TNFRSF9: variants seen among roughly 807,000 people sequenced by gnomAD.
TNFRSF9 encodes TNF receptor superfamily member 9, also known as tumor necrosis factor receptor superfamily member 9.
A neutral mutation model predicts 28.8 loss-of-function variants in TNFRSF9; 16 were observed. The observed-to-expected ratio is 0.55, with a 90% CI of 0.38 to 0.84. TNFRSF9 has a LOEUF of 0.84. Among genes scored for constraint, TNFRSF9 ranks in the 40% least tolerant of loss-of-function variants. The pLI is 0.00. For synonymous variants in TNFRSF9, 131 were observed against 117.0 expected (o/e 1.12, Z -0.77); for missense variants, 303 against 315.0 (o/e 0.96, Z 0.29).
intron 7 of TNFRSF9, among the ~76,000 whole-genome samples, chr1:7,929,387 G>T (rs558511280): frequency 6.6e-6 from 1 of 151,664 alleles, no homozygotes; most frequent in African/African-American, 2.4e-5. Context: ...GGCTGGTCTC[G>T]AACTCCTGAC....
chr1:7,933,185 T>G lies in TNFRSF9; in HGVS notation c.656A>C (p.Lys219Thr). The change falls in exon 7 of 8, where the codon AAA becomes ACA. Residue 219 changes from lysine (K) to threonine (T), a missense_variant. By Grantham distance (78) the Lys-to-Thr change is moderately conservative. Transcript: ENST00000377507. Reference protein sequence around the residue: ...RFSVVKRGRKKLLYIFKQPFM... With the variant: ...RFSVVKRGRKTLLYIFKQPFM... ...ACGTTGTTTGAATATATACAGGAGTTTCTTTCTGCCCCGTTTAACAACAGA... is the reference window on the plus strand; with the variant it reads ...ACGTTGTTTGAATATATACAGGAGTGTCTTTCTGCCCCGTTTAACAACAGA... 1 of 1,613,870 alleles carries G rather than the reference T, an allele frequency of 6.2e-7. No homozygotes were observed. Among genetic ancestry groups the G allele is most frequent in the Admixed American group, 1.7e-5 (1 of 59,960 alleles).
At chr1:7,940,399 C>T (rs562595537) in intron 1 of TNFRSF9, among the ~76,000 whole-genome samples, 1 of 152,280 alleles carries the variant, frequency 6.6e-6, no homozygotes, top group South Asian at 2.1e-4. Context: ...GCAATAATGC[C>T]AATTACTTAT....
intron 6 of TNFRSF9, among the ~76,000 whole-genome samples, chr1:7,934,203 C>T (rs1639781930): frequency 6.6e-6 from 1 of 151,884 alleles, no homozygotes; most frequent in Admixed American, 6.6e-5. Flanking sequence ...TAGCAAGACC[C>T]CGACTCTGCC....
Position 7,933,202 on chromosome 1 carries a change from A to G in TNFRSF9, c.639T>C (p.Val213=). Residue 213 remains valine, a synonymous_variant, in exon 7 of 8, where the codon GTT becomes GTC. Transcript: ENST00000377507. ...LFFLTLRFSV[V]KRGRKKLLYI... ...ACAGGAGTTTCTTTCTGCCCCGTTT[A>G]ACAACAGAGAAACGGAGCGTGAGGA... 1 of 1,614,010 alleles carries G rather than the reference A, an allele frequency of 6.2e-7. No homozygotes were observed. The highest frequency in any genetic ancestry group is 8.5e-7 in the Non-Finnish European group (1 of 1,179,922).
chr1:7,933,090 A>G, intron 7 of TNFRSF9, 72 bp downstream of exon 7: 1 of 1,515,988 alleles, frequency 6.6e-7, no homozygotes, highest in Admixed American at 2.2e-5. Flanking sequence ...ATTTTTTTTA[A>G]AATCATATTT....
In TNFRSF9 at chr1:7,935,607, C is replaced by T. The variant is rs564784613; in HGVS notation, c.414-464G>A. 4.6e-5 allele frequency among the ~76,000 whole-genome samples: 7 copies of T among 152,314 alleles called. No individual in the cohort carries two copies. In the East Asian group the frequency reaches 1.4e-3, roughly 29 times the overall value. ...TTGGTAGGCTGAGGCCAGAGGATCA[C>T]TTGAGACCAGGCGTTGGAGACCAGC... On this transcript the variant is annotated intron_variant, in intron 5 of 7. Transcript: ENST00000377507.
At chr1:7,925,880 G>A (rs1639644747) in intron 7 of TNFRSF9, among the ~76,000 whole-genome samples, 1 of 152,126 alleles carries the variant, frequency 6.6e-6, no homozygotes, top group Non-Finnish European at 1.5e-5. Flanking sequence ...AGCTTCACGT[G>A]CTTGCCCACC....
chr1:7,921,362 A>ACAAAG (rs1281361992), intron 7 of TNFRSF9, among the ~76,000 whole-genome samples: 38 of 148,570 alleles, frequency 2.6e-4, no homozygotes, highest in East Asian at 2.2e-3. Context: ...ACAAAACAAA[A>ACAAAG]CAAAACAAAA....
rs143263936 is a variant in TNFRSF9 at position 7,921,338 on chromosome 1, A to AAAAACAAAACAAAAC, written c.680-430_680-416dup. ...GTGACAACAGCGAAACTCTGTCTCA[A>AAAAACAAAACAAAAC]AAAACAAAACAAAACAAAACAAAAC... On this transcript the variant is annotated intron_variant, in intron 7 of 7. Transcript: ENST00000377507. 2.5e-3 allele frequency among the ~76,000 whole-genome samples: 357 copies of AAAAACAAAACAAAAC among 140,124 alleles called. 2 individuals carry two copies. Among genetic ancestry groups the AAAAACAAAACAAAAC allele is most frequent in the African/African-American group, 7.9e-3 (294 of 37,440 alleles). The allele number at this position is 140,124 out of a possible 152,430, so 91.9% of individuals were successfully genotyped here. A position where few individuals can be genotyped will look rare whatever the true frequency, so the allele number is the denominator to read the frequency against.
chr1:7,922,757 A>T (rs1451313238), intron 7 of TNFRSF9, among the ~76,000 whole-genome samples: 1 of 151,800 alleles, frequency 6.6e-6, no homozygotes, highest in Non-Finnish European at 1.5e-5. Context: ...GGTTGCAGAG[A>T]GCTGAGATTA....
At chr1:7,928,230 G>A (rs1639682414) in intron 7 of TNFRSF9, among the ~76,000 whole-genome samples, 1 of 152,130 alleles carries the variant, frequency 6.6e-6, no homozygotes, top group Non-Finnish European at 1.5e-5. Context: ...AAAATAGTTC[G>A]ACAACTTCTT....
intron 3 of TNFRSF9, 58 bp downstream of exon 3, chr1:7,938,663 A>G: frequency 2.1e-6 from 3 of 1,403,836 alleles, no homozygotes; most frequent in Non-Finnish European, 2.9e-6. Flanking sequence ...TAAATGGGAA[A>G]GAAAAGCTTA....
chr1:7,926,978 C>T (rs763727056), intron 7 of TNFRSF9, among the ~76,000 whole-genome samples: 21 of 152,004 alleles, frequency 1.4e-4, no homozygotes, highest in Non-Finnish European at 2.8e-4. Flanking sequence ...AATCCCAGCA[C>T]TTTGGGAGGC....
rs1558526924 is a variant in TNFRSF9 at position 7,918,331 on chromosome 1, A to G, written c.*2504T>C. ...CACATATAACTGACCAAAGATTATT[A>G]TCTAGAATACATAAAGACCTTTTAG... is the stretch of plus-strand genomic sequence containing the variant. On this transcript the variant is annotated 3_prime_UTR_variant, in exon 8 of 8. Coordinates refer to ENST00000377507, the MANE Select transcript of TNFRSF9 (RefSeq NM_001561.6). 1 of 152,140 alleles carries G rather than the reference A, an allele frequency of 6.6e-6. No homozygotes were observed. Among genetic ancestry groups the G allele is most frequent in the Non-Finnish European group, 1.5e-5 (1 of 68,024 alleles). The allele number at this position is 152,140 out of a possible 1,614,324, so 9.4% of individuals were successfully genotyped here.
chr1:7,930,864 C>T (rs925957984), intron 7 of TNFRSF9, among the ~76,000 whole-genome samples: 1 of 151,870 alleles, frequency 6.6e-6, no homozygotes, highest in Non-Finnish European at 1.5e-5. Context: ...AAAGAGCAAA[C>T]CACAGAATAG....
At chr1:7,934,535 C>A (rs1639787489) in intron 6 of TNFRSF9, among the ~76,000 whole-genome samples, 1 of 151,700 alleles carries the variant, frequency 6.6e-6, no homozygotes, top group Non-Finnish European at 1.5e-5. Flanking sequence ...ATGGTGAAAC[C>A]TCATCTCTAC....
chr1:7,935,129 C>G lies in TNFRSF9; in HGVS notation c.428G>C (p.Gly143Ala). 1.2e-6 allele frequency: 2 copies of G among 1,614,196 alleles called. No homozygotes were observed. The highest frequency in any genetic ancestry group is 8.5e-7 in the Non-Finnish European group (1 of 1,180,030). The change falls in exon 6 of 8, where the codon GGA (glycine) becomes GCA (alanine). Residue 143 changes from glycine (G) to alanine (A), a missense_variant. Physicochemically the swap from Gly to Ala is moderately conservative, Grantham distance 60. Coordinates refer to ENST00000377507, the MANE Select transcript of TNFRSF9 (RefSeq NM_001561.6). Reference sequence around the variant, plus strand: ...CGTCCCATTCACAAGCACAGACTTTCCATCCAAAGAACAGCTTAGACAGTT... The same window carrying G: ...CGTCCCATTCACAAGCACAGACTTTGCATCCAAAGAACAGCTTAGACAGTT... ...CRPWTNCSLDGKSVLVNGTKE... is the reference protein window; with the variant it reads ...CRPWTNCSLDAKSVLVNGTKE...
At position 7,916,614 on chromosome 1, in the gene TNFRSF9, A is replaced by C. The variant is rs1284613738; in HGVS notation, c.*4221T>G. ...GTAGGTAATTAAACACCATGTGTCC[A>C]AAGCCAAGAGGAGAAATCACTTTAG... On this transcript the variant is annotated 3_prime_UTR_variant, in exon 8 of 8. Transcript: ENST00000377507. 2 of 152,222 alleles carry C rather than the reference A, an allele frequency of 1.3e-5. No individual in the cohort carries two copies. The highest frequency in any genetic ancestry group is 4.8e-5 in the African/African-American group (2 of 41,470). 9.4% of individuals were successfully genotyped at this position (152,222 alleles called of 1,614,324 possible).
At chr1:7,932,996 C>T (rs1209415341) in intron 7 of TNFRSF9, 166 bp downstream of exon 7, 2 of 773,862 alleles carry the variant, frequency 2.6e-6, no homozygotes, top group Non-Finnish European at 2.0e-6. Context: ...AACACTGCAA[C>T]TGTCTCCAGA....
Sources: gnomAD v4.1 joint callset for allele counts (sites outside exome capture counted in the v4.1 genomes callset) on GRCh38, gnomAD v4.1.1 for gene constraint, MANE v1.5 for transcripts, NCBI Gene and HGNC (gene_info 2026-07-23, HGNC 2026-07-21) for gene names.